Variants in NECTIN4 observed in about 807,000 individuals in gnomAD.
NECTIN4 encodes nectin-4.
In NECTIN4, 19 loss-of-function variants were observed where a neutral mutation model predicts 51.7. The observed-to-expected ratio is 0.37, with a 90% CI of 0.26 to 0.54. NECTIN4 has a LOEUF of 0.54. Ranked by LOEUF, NECTIN4 falls within the 20% of genes least tolerant of loss-of-function variation. NECTIN4 has a pLI of 0.86. For missense variants in NECTIN4, 619 were observed against 662.4 expected (o/e 0.93, Z 0.72); for synonymous variants, 283 against 286.9 (o/e 0.99, Z 0.14).
Position 161,079,657 on chromosome 1 carries a change from C to T in NECTIN4, c.372G>A (p.Glu124=). The part of the protein sequence containing the change: ...LRNAVQADEG[E]YECRVSTFPA... ...GGAAGGTGCTGACCCGGCACTCGTA[C>T]TCGCCCTCATCCGCCTGCACTGCGT... is the stretch of plus-strand genomic sequence containing the variant. Residue 124 remains glutamate, a synonymous_variant, in exon 2 of 9, where the codon GAG becomes GAA. Coordinates refer to ENST00000368012, the MANE Select transcript of NECTIN4 (RefSeq NM_030916.3). 6.2e-7 allele frequency: 1 copy of T among 1,606,304 alleles called. No homozygotes were observed. Among genetic ancestry groups the T allele is most frequent in the East Asian group, 2.2e-5 (1 of 44,878 alleles).
In NECTIN4 at chr1:161,071,725, A is replaced by G. The variant is rs1653172076; in HGVS notation, c.*936T>C. 1 of 152,008 alleles carries G rather than the reference A, an allele frequency of 6.6e-6. No homozygotes were observed. Among genetic ancestry groups the G allele is most frequent in the Non-Finnish European group, 1.5e-5 (1 of 67,978 alleles). The allele number at this position is 152,008 out of a possible 1,614,324, so 9.4% of individuals were successfully genotyped here. ...TTTTTTCTCTTCGTAAAGGATTCAA[A>G]GCAGGCACAGTGGTGTACACTTAAA... On this transcript the variant is annotated 3_prime_UTR_variant, in exon 9 of 9. Transcript: ENST00000368012.
intron 1 of NECTIN4, chr1:161,084,596 C>T (rs1040189006): frequency 4.6e-5 from 7 of 152,210 alleles, no homozygotes; most frequent in African/African-American, 1.7e-4. Context: ...GGGAACTTGC[C>T]ATTAAGGACT....
Position 161,073,781 on chromosome 1 carries a change from G to A in NECTIN4, c.1172C>T (p.Thr391Ile). ...CCGGATGGAGTTCTCCCTGGTCAGG[G>A]TCAGCTCCTCCTCACTGGGAAAGAC... ...QMTQKYEEEL[T>I]LTRENSIRRL... The change falls in exon 7 of 9, where the codon ACC (threonine) becomes ATC (isoleucine). Residue 391 changes from threonine (T) to isoleucine (I), a missense_variant. This residue lies in a region of NECTIN4 where 364 missense variants were observed against 415.7 expected (regional missense o/e 0.88). Transcript: ENST00000368012. The A allele has an allele frequency of 1.2e-6, 2 of 1,614,098 alleles. No individual in the cohort carries two copies. Among genetic ancestry groups the A allele is most frequent in the Non-Finnish European group, 1.7e-6 (2 of 1,179,966 alleles).
At chr1:161,083,839 G>T (rs930832546) in intron 1 of NECTIN4, among the ~76,000 whole-genome samples, 5 of 152,342 alleles carry the variant, frequency 3.3e-5, no homozygotes, top group Middle Eastern at 3.4e-3. Flanking sequence ...CCAGGTTTGG[G>T]CTGGCTGGCT....
chr1:161,073,495 C>A (rs1169576992), intron 7 of NECTIN4, among the ~76,000 whole-genome samples, 196 bp from the exon 8 acceptor site: 5 of 152,250 alleles, frequency 3.3e-5, no homozygotes, highest in Non-Finnish European at 7.3e-5. Flanking sequence ...CTGATGGTGG[C>A]TTCCCAGAAA....
rs1653596408 is a variant in NECTIN4, at chr1:161,079,834, C to T, written c.195G>A (p.Val65=). The T allele has an allele frequency of 6.2e-7, 1 of 1,613,754 alleles. No homozygotes were observed. The highest frequency in any genetic ancestry group is 8.5e-7 in the Non-Finnish European group (1 of 1,180,026). The change falls in exon 2 of 9, where the codon GTG becomes GTA. Residue 65 remains valine (V), a synonymous_variant. Coordinates refer to ENST00000368012, the MANE Select transcript of NECTIN4 (RefSeq NM_030916.3). ...CGCCCGCGTCCACCCGAGCCCATGC[C>T]ACTTGCCCCACTTGCTCGCCGGAGT... is the stretch of plus-strand genomic sequence containing the variant. The part of the protein sequence containing the change: ...RGDSGEQVGQ[V]AWARVDAGEG...
chr1:161,080,379 G>C (rs1454081431), intron 1 of NECTIN4, among the ~76,000 whole-genome samples: 1 of 152,172 alleles, frequency 6.6e-6, no homozygotes, highest in Non-Finnish European at 1.5e-5. Flanking sequence ...TTTCAGAAGA[G>C]GTTCAACCCA....
rs536716707 is a variant in NECTIN4 at position 161,089,503 on chromosome 1, C to T, written c.-207G>A. 2.2e-5 allele frequency: 13 copies of T among 600,056 alleles called. No homozygotes were observed. The highest frequency in any genetic ancestry group is 2.1e-4 in the South Asian group (11 of 52,504). 37.2% of individuals were successfully genotyped at this position (600,056 alleles called of 1,614,324 possible). ...GTAGCTACCCCCAAGAAGCCGTGATCGGGAGCTCCGAGCTCCCCCAGAGCT... is the reference window on the plus strand; with the variant it reads ...GTAGCTACCCCCAAGAAGCCGTGATTGGGAGCTCCGAGCTCCCCCAGAGCT... On this transcript the variant is annotated 5_prime_UTR_variant, in exon 1 of 9. Transcript: ENST00000368012. The surrounding 1 kb of genome is among the most constrained non-coding windows in gnomAD (Gnocchi z 4.1).
intron 3 of NECTIN4, among the ~76,000 whole-genome samples, chr1:161,077,216 C>T (rs915134463): frequency 6.6e-6 from 1 of 152,214 alleles, no homozygotes; most frequent in Admixed American, 6.5e-5. Context: ...ATTCTCCCAA[C>T]AACCCTGTGA....
At position 161,073,804 on chromosome 1, in the gene NECTIN4, GAC is replaced by G. The variant is rs758701204; in HGVS notation, c.1158-11_1158-10del. 1.4e-5 allele frequency: 22 copies of G among 1,613,254 alleles called. No homozygotes were observed. The highest frequency in any genetic ancestry group is 1.9e-5 in the Non-Finnish European group (22 of 1,179,264). On this transcript the variant is annotated splice_polypyrimidine_tract_variant and intron_variant, in intron 6 of 8. Transcript: ENST00000368012. ...GGGTCAGCTCCTCCTCACTGGGAAA[GAC>G]ACACCCTTGTCAGGAGCTGAGGGTA... is the stretch of plus-strand genomic sequence containing the variant.
rs759375848 is a variant in NECTIN4 at position 161,077,499 on chromosome 1, A to G, written c.684T>C (p.Pro228=). Reference sequence around the variant, plus strand: ...TGATCCTTTGGTCCTGGAGCAGGCCAGGATGGGACACCACACAAGTCAGTG... The same window carrying G: ...TGATCCTTTGGTCCTGGAGCAGGCCGGGATGGGACACCACACAAGTCAGTG... The part of the protein sequence containing the change: ...GQPLTCVVSH[P]GLLQDQRITH... The change falls in exon 3 of 9, where the codon CCT becomes CCC. Residue 228 remains proline (P), a synonymous_variant. Transcript: ENST00000368012. The G allele has an allele frequency of 2.5e-5, 41 of 1,614,058 alleles. No homozygotes were observed. The highest frequency in any genetic ancestry group is 1.7e-4 in the Admixed American group (10 of 60,014).
chr1:161,084,895 C>T (rs997716428), intron 1 of NECTIN4: 2 of 152,012 alleles, frequency 1.3e-5, no homozygotes, highest in South Asian at 2.1e-4. Context: ...TGTCTAGGGT[C>T]TCATGCTCCT....
intron 7 of NECTIN4, 40 bp from the exon 8 acceptor site, chr1:161,073,339 G>T (rs2101656690): frequency 6.4e-7 from 1 of 1,564,540 alleles, no homozygotes; most frequent in Non-Finnish European, 8.8e-7. Flanking sequence ...ACAGGGCTCA[G>T]CCTCCTCCCC....
chr1:161,084,230 G>A (rs1407392474), intron 1 of NECTIN4, among the ~76,000 whole-genome samples: 2 of 152,174 alleles, frequency 1.3e-5, no homozygotes, highest in Non-Finnish European at 2.9e-5. Flanking sequence ...GGGCATATAC[G>A]TACTTACTTG....
intron 1 of NECTIN4, among the ~76,000 whole-genome samples, chr1:161,088,023 T>C (rs1390339215): frequency 2.0e-5 from 3 of 152,042 alleles, no homozygotes; most frequent in Non-Finnish European, 4.4e-5. Context: ...ATCTGGAAGA[T>C]GGGAATTAAA....
chr1:161,076,206 T>G, intron 4 of NECTIN4, 149 bp downstream of exon 4: 2 of 824,456 alleles, frequency 2.4e-6, no homozygotes, highest in Non-Finnish European at 3.8e-6. Context: ...TCTTGTATGA[T>G]GAGTATAATA....
intron 2 of NECTIN4, among the ~76,000 whole-genome samples, chr1:161,079,091 C>A (rs1273497860): frequency 1.3e-5 from 2 of 152,192 alleles, no homozygotes; most frequent in Non-Finnish European, 2.9e-5. Flanking sequence ...CTCCTCTGAT[C>A]GTGTATGGCC....
intron 1 of NECTIN4, among the ~76,000 whole-genome samples, chr1:161,085,721 CAG>C (rs1653916216): frequency 7.2e-6 from 1 of 139,726 alleles, no homozygotes; most frequent in African/African-American, 2.7e-5. Context: ...TTTTTTGACA[CAG>C]AGTCTCACTC....
chr1:161,079,470 T>C, intron 2 of NECTIN4, 120 bp downstream of exon 2: 3 of 1,377,068 alleles, frequency 2.2e-6, no homozygotes, highest in African/African-American at 1.4e-5. Context: ...CTCCCTCACC[T>C]GAACATGACC....
Sources: gnomAD v4.1 joint callset for allele counts (sites outside exome capture counted in the v4.1 genomes callset) on GRCh38, gnomAD v4.1.1 for gene constraint, gnomAD v4.1.1 regional missense constraint, Gnocchi (gnomAD v3.1) non-coding constraint, MANE v1.5 for transcripts, NCBI Gene and HGNC (gene_info 2026-07-23, HGNC 2026-07-21) for gene names.